ERC2: variants seen among roughly 807,000 people sequenced by gnomAD.
ERC2 encodes the protein ELKS/RAB6-interacting/CAST family member 2.
ERC2 carries 42 observed loss-of-function variants against 114.8 expected under a neutral mutation model. The ratio of observed to expected loss-of-function variants is 0.37; its 90% CI spans 0.29 to 0.47. ERC2 has a LOEUF of 0.47. Ranked by LOEUF, ERC2 falls within the 20% of genes least tolerant of loss-of-function variation. ERC2 has a pLI of 0.99. For synonymous variants in ERC2, 454 were observed against 425.5 expected (o/e 1.07, Z -0.82); for missense variants, 939 against 1,150.7 (o/e 0.82, Z 2.66).
At chr3:56,142,568 A>G (rs141987446) in intron 5 of ERC2, among the ~76,000 whole-genome samples, 73 of 152,220 alleles carry the variant, frequency 4.8e-4, no homozygotes, top group Middle Eastern at 3.4e-3. Context: ...TTCCTAAGAT[A>G]ATCCTTCAGA....
intron 10 of ERC2, chr3:56,003,137 A>G: frequency 1.6e-6 from 2 of 1,288,574 alleles, no homozygotes; most frequent in Non-Finnish European, 2.0e-6. Flanking sequence ...TCAGCTTGCT[A>G]CATTGCAAAG....
chr3:55,808,196 T>C (rs1262171716), intron 14 of ERC2, among the ~76,000 whole-genome samples: 1 of 152,180 alleles, frequency 6.6e-6, no homozygotes, highest in Non-Finnish European at 1.5e-5. Context: ...AAACTCTGGG[T>C]GCTTGCCGGC....
intron 4 of ERC2, among the ~76,000 whole-genome samples, chr3:56,155,190 A>G (rs1248733048): frequency 6.6e-6 from 1 of 151,990 alleles, no homozygotes; most frequent in Non-Finnish European, 1.5e-5. Context: ...GTTTTAATAG[A>G]GTTTTAAATT....
chr3:56,057,356 GTTTAA>G (rs2149698542), intron 7 of ERC2, among the ~76,000 whole-genome samples: 1 of 152,136 alleles, frequency 6.6e-6, no homozygotes, highest in African/African-American at 2.4e-5. Flanking sequence ...AACATTTCTT[GTTTAA>G]TTTTTCTTTC....
chr3:56,234,904 G>A (rs967689998), intron 3 of ERC2, among the ~76,000 whole-genome samples: 3 of 152,148 alleles, frequency 2.0e-5, no homozygotes, highest in African/African-American at 7.2e-5. Context: ...ACCACACTGG[G>A]AATCAAGTTT....
intron 14 of ERC2, among the ~76,000 whole-genome samples, chr3:55,819,216 G>T (rs1224601033): frequency 6.6e-6 from 1 of 152,174 alleles, no homozygotes; most frequent in Non-Finnish European, 1.5e-5. Flanking sequence ...TCGTGTGTTT[G>T]TTCAGTCCAA....
At chr3:55,688,389 A>G (rs2062447005) in intron 16 of ERC2, among the ~76,000 whole-genome samples, 2 of 152,126 alleles carry the variant, frequency 1.3e-5, no homozygotes, top group African/African-American at 4.8e-5. Flanking sequence ...AGCTCACCAA[A>G]GGACACCTGG....
intron 17 of ERC2, among the ~76,000 whole-genome samples, chr3:55,645,984 T>G (rs994484116): frequency 2.0e-5 from 3 of 152,180 alleles, no homozygotes; most frequent in African/African-American, 7.2e-5. Context: ...TTCAGGCAAG[T>G]GTAGGTTAAA....
Position 55,796,612 on chromosome 3 carries a change from G to A in ERC2, c.2565-61694C>T, listed in dbSNP as rs561484527. On this transcript the variant is annotated intron_variant, in intron 14 of 17. Transcript: ENST00000288221. ...AGCTAACTTTTGTATTTTTAGTAGAGATGGGGTTTCACCATGTTGGCCAGG... is the reference window on the plus strand; with the variant it reads ...AGCTAACTTTTGTATTTTTAGTAGAAATGGGGTTTCACCATGTTGGCCAGG... Among the ~76,000 whole-genome samples, 42 of 152,296 alleles carry A rather than the reference G, an allele frequency of 2.8e-4. No individual in the cohort carries two copies. In the South Asian group the frequency reaches 8.7e-3, roughly 32 times the overall value.
intron 1 of ERC2, among the ~76,000 whole-genome samples, chr3:56,444,267 C>T (rs1329791919): frequency 1.3e-5 from 2 of 151,806 alleles, no homozygotes; most frequent in Non-Finnish European, 2.9e-5. Context: ...CACCACGCCC[C>T]GCCAATACCT....
rs1235966923 is a variant in ERC2 at position 55,816,001 on chromosome 3, T to A, written c.2564+72388A>T. The stretch of plus-strand genomic sequence containing the variant: ...GGATTCTGCTCCACCAGTTCTCACC[T>A]GGCATTGGTGGAGGACTGCTCCCAG... On this transcript the variant is annotated intron_variant, in intron 14 of 17. Coordinates refer to ENST00000288221, the MANE Select transcript of ERC2 (RefSeq NM_015576.3). 2.0e-5 allele frequency among the ~76,000 whole-genome samples: 3 copies of A among 152,360 alleles called. No individual in the cohort carries two copies. The East Asian group carries it at 5.8e-4, about 29-fold the overall frequency.
At chr3:55,558,047 G>A (rs577306695) in intron 17 of ERC2, among the ~76,000 whole-genome samples, 11 of 152,280 alleles carry the variant, frequency 7.2e-5, no homozygotes, top group South Asian at 4.1e-4. Context: ...GCTAATTAAC[G>A]GAGAGGCTTG....
intron 14 of ERC2, among the ~76,000 whole-genome samples, chr3:55,881,720 C>T (rs1323720270): frequency 1.3e-5 from 2 of 152,088 alleles, no homozygotes; most frequent in Non-Finnish European, 2.9e-5. Flanking sequence ...GGAATGTAAG[C>T]TTATTAGCTG....
intron 7 of ERC2, among the ~76,000 whole-genome samples, chr3:56,075,207 T>G (rs1457695933): frequency 6.6e-6 from 1 of 152,106 alleles, no homozygotes; most frequent in Non-Finnish European, 1.5e-5. Flanking sequence ...CCCAGACTCT[T>G]ATAAAGGCAG....
chr3:56,362,940 T>C (rs1271547153), intron 2 of ERC2, among the ~76,000 whole-genome samples: 1 of 152,230 alleles, frequency 6.6e-6, no homozygotes, highest in Non-Finnish European at 1.5e-5. Flanking sequence ...TTGAGGATAT[T>C]GGCTCCTCAT....
At chr3:55,692,277 G>T (rs1237296944) in intron 16 of ERC2, among the ~76,000 whole-genome samples, 2 of 152,186 alleles carry the variant, frequency 1.3e-5, no homozygotes, top group Admixed American at 1.3e-4. Context: ...GGTGCCCCAG[G>T]AGGGGCTGCT....
chr3:56,340,088 C>T (rs2058027249), intron 2 of ERC2, among the ~76,000 whole-genome samples: 1 of 152,130 alleles, frequency 6.6e-6, no homozygotes, highest in African/African-American at 2.4e-5. Context: ...GTAATTAAAT[C>T]CTATGATTTG....
At chr3:56,228,248 G>A (rs1472639402) in intron 3 of ERC2, among the ~76,000 whole-genome samples, 4 of 152,126 alleles carry the variant, frequency 2.6e-5, no homozygotes, top group Non-Finnish European at 5.9e-5. Flanking sequence ...TTTCCCTGTA[G>A]ATTTCAGTGG....
At chr3:55,781,988 G>A (rs1388381129) in intron 14 of ERC2, among the ~76,000 whole-genome samples, 1 of 152,118 alleles carries the variant, frequency 6.6e-6, no homozygotes, top group Non-Finnish European at 1.5e-5. Flanking sequence ...CCTGTGGATT[G>A]GGAACGATGG....
Sources: allele counts gnomAD v4.1 joint callset (sites outside exome capture counted in the v4.1 genomes callset), GRCh38; gene constraint gnomAD v4.1.1; transcripts MANE v1.5; gene names NCBI Gene and HGNC (gene_info 2026-07-23, HGNC 2026-07-21).